Variants in KAZN observed in about 807,000 individuals in gnomAD.
KAZN encodes kazrin.
A neutral mutation model predicts 87.4 loss-of-function variants in KAZN; 40 were observed. The observed-to-expected ratio is 0.46, with a 90% CI of 0.36 to 0.60. KAZN has a LOEUF of 0.60. KAZN is among the 20% of genes least tolerant of loss of function. The pLI, the probability that KAZN is intolerant of heterozygous loss-of-function variation, is 0.00. For synonymous variants in KAZN, 466 were observed against 458.3 expected (o/e 1.02, Z -0.22); for missense variants, 898 against 1,073.9 (o/e 0.84, Z 2.29).
chr1:14,576,331 T>TGGATGGACGGAC (rs1491446005), intron 2 of KAZN, among the ~76,000 whole-genome samples: 2 of 135,356 alleles, frequency 1.5e-5, no homozygotes, highest in African/African-American at 5.4e-5. Context: ...GATGGATGGA[T>TGGATGGACGGAC]GGACGGACAG....
intron 2 of KAZN, among the ~76,000 whole-genome samples, chr1:14,274,851 CT>C (rs987384031): frequency 2.2e-4 from 32 of 147,602 alleles, no homozygotes; most frequent in Admixed American, 1.8e-3. Context: ...TTTTTTTTTT[CT>C]TTTTTTTTGG....
chr1:14,473,878 C>T (rs906167414), intron 2 of KAZN, among the ~76,000 whole-genome samples: 4 of 152,164 alleles, frequency 2.6e-5, no homozygotes, highest in Admixed American at 1.3e-4. Context: ...GACTCTTCCT[C>T]TTTATTCTCC....
chr1:14,646,001 A>G (rs1457183162), intron 1 of KAZN, among the ~76,000 whole-genome samples: 1 of 152,124 alleles, frequency 6.6e-6, no homozygotes, highest in Non-Finnish European at 1.5e-5. Context: ...CAGTCCCAAA[A>G]GGTCACATAG....
At chr1:14,646,197 A>T (rs1035548717) in intron 1 of KAZN, among the ~76,000 whole-genome samples, 1 of 152,148 alleles carries the variant, frequency 6.6e-6, no homozygotes, top group Admixed American at 6.5e-5. Flanking sequence ...GAATCTATAC[A>T]TTGTTAAATT....
At chr1:14,438,419 A>G (rs979152288) in intron 2 of KAZN, among the ~76,000 whole-genome samples, 5 of 152,212 alleles carry the variant, frequency 3.3e-5, no homozygotes, top group Non-Finnish European at 7.3e-5. Context: ...TGGAAAAGAG[A>G]GGGCAGAATA....
chr1:14,097,877 C>T (rs1211072534), intron 1 of KAZN, among the ~76,000 whole-genome samples: 1 of 152,146 alleles, frequency 6.6e-6, no homozygotes, highest in Admixed American at 6.5e-5. Flanking sequence ...CCAGAGCTCA[C>T]CTTCCTTGTA....
intron 2 of KAZN, among the ~76,000 whole-genome samples, chr1:14,461,205 G>T (rs1053850512): frequency 3.7e-4 from 57 of 152,200 alleles, no homozygotes; most frequent in African/African-American, 1.3e-3. Flanking sequence ...CTTTCACAGG[G>T]TTCAAAATTT....
chr1:14,457,142 C>T (rs776522427), intron 2 of KAZN, among the ~76,000 whole-genome samples: 10 of 152,296 alleles, frequency 6.6e-5, no homozygotes, highest in Non-Finnish European at 1.0e-4. Flanking sequence ...GAATGGCTGT[C>T]CAAGGCTTCC....
intron 2 of KAZN, among the ~76,000 whole-genome samples, chr1:14,414,308 G>C (rs1297324562): frequency 7.1e-6 from 1 of 140,926 alleles, no homozygotes; most frequent in Non-Finnish European, 1.5e-5. Context: ...AACTGGTAAA[G>C]CCAAAGAGTA....
At chr1:14,559,587 A>C (rs1185244657) in intron 2 of KAZN, among the ~76,000 whole-genome samples, 1 of 152,222 alleles carries the variant, frequency 6.6e-6, no homozygotes, top group African/African-American at 2.4e-5. Context: ...TAGACGAAGA[A>C]GAAGATACTG....
In KAZN at chr1:14,116,505, C is replaced by T. The variant is rs142901672; in HGVS notation, c.92-63930C>T. On this transcript the variant is annotated intron_variant, in intron 1 of 16. Coordinates refer to the KAZN transcript ENST00000636203. ...AAGAGTTGAGGTTTGGGAACCTCTG[C>T]CTAGATTTCAGAGGATGTATGGAAA... Among the ~76,000 whole-genome samples, 589 of 152,296 alleles carry T rather than the reference C, an allele frequency of 3.9e-3. 2 individuals carry two copies. The highest frequency in any genetic ancestry group is 0.014 in the African/African-American group (563 of 41,574).
chr1:14,415,232 TA>T (rs1262237479), intron 2 of KAZN, among the ~76,000 whole-genome samples: 1 of 152,158 alleles, frequency 6.6e-6, no homozygotes, highest in Non-Finnish European at 1.5e-5. Context: ...CATTATAAAA[TA>T]TTTTTTTAAT....
chr1:14,497,804 C>T lies in KAZN; in HGVS notation c.250-101179C>T, dbSNP rs138341695. 4.9e-3 allele frequency among the ~76,000 whole-genome samples: 733 copies of T among 151,060 alleles called. 6 individuals carry two copies. Among genetic ancestry groups the T allele is most frequent in the African/African-American group, 0.017 (702 of 40,806 alleles). ...TGGCCCTTTGGGAACTATTGGGTGG[C>T]TGATCCAATTTGAGATGGAAAAAAA... On this transcript the variant is annotated intron_variant, in intron 2 of 16. Transcript: ENST00000636203.
intron 13 of KAZN, chr1:15,112,177 C>T (rs966657973): frequency 1.8e-5 from 10 of 544,324 alleles, no homozygotes; most frequent in Admixed American, 1.2e-4. Flanking sequence ...GGGCAAATTG[C>T]TTGCTGTCTC....
chr1:14,359,159 C>T (rs971230098), intron 2 of KAZN, among the ~76,000 whole-genome samples: 1 of 152,084 alleles, frequency 6.6e-6, no homozygotes, highest in Admixed American at 6.6e-5. Context: ...TTGAATTGAT[C>T]TCTTTACCAA....
intron 1 of KAZN, among the ~76,000 whole-genome samples, chr1:13,936,623 C>G (rs1640754067): frequency 6.6e-6 from 1 of 152,172 alleles, no homozygotes; most frequent in East Asian, 1.9e-4. Context: ...AGAACATGCA[C>G]TATTTGACTT....
chr1:14,481,388 A>G (rs1024938420), intron 2 of KAZN, among the ~76,000 whole-genome samples: 1 of 151,642 alleles, frequency 6.6e-6, no homozygotes, highest in African/African-American at 2.4e-5. Flanking sequence ...GTTTAAGATT[A>G]TTATAAAGTA....
At chr1:13,966,220 A>T (rs144277891) in intron 1 of KAZN, among the ~76,000 whole-genome samples, 2,422 of 151,716 alleles carry the variant, frequency 0.016, 33 homozygotes, top group Middle Eastern at 0.027. Flanking sequence ...CTACTCCCTC[A>T]ACACACCTGA....
chr1:15,090,702 G>C (rs1437145607), intron 8 of KAZN, among the ~76,000 whole-genome samples: 1 of 152,242 alleles, frequency 6.6e-6, no homozygotes, highest in East Asian at 1.9e-4. Flanking sequence ...TCACTGAGAA[G>C]GGAAACGTGA....
Sources: allele counts gnomAD v4.1 joint callset (sites outside exome capture counted in the v4.1 genomes callset), GRCh38; gene constraint gnomAD v4.1.1; transcripts MANE v1.5; gene names NCBI Gene and HGNC (gene_info 2026-07-23, HGNC 2026-07-21).